PIP5K1C: variants seen among roughly 807,000 people sequenced by gnomAD.
PIP5K1C encodes the protein phosphatidylinositol 4-phosphate 5-kinase type-1 gamma.
In PIP5K1C, 45 loss-of-function variants were observed where a neutral mutation model predicts 80.1. The observed-to-expected ratio is 0.56, with a 90% CI of 0.44 to 0.72. The LOEUF (loss-of-function observed/expected upper bound fraction) is 0.72, where lower values mean the gene tolerates loss of function less well. PIP5K1C is among the 30% of genes least tolerant of loss of function. PIP5K1C has a pLI of 0.00. For missense variants in PIP5K1C, 753 were observed against 954.6 expected (o/e 0.79, Z 2.78); for synonymous variants, 498 against 420.1 (o/e 1.19, Z -2.27).
Position 3,665,642 on chromosome 19 carries a change from C to T in PIP5K1C, c.127-728G>A, listed in dbSNP as rs546928326. On this transcript the variant is annotated intron_variant, in intron 2 of 17. Transcript: ENST00000335312. ...CGCTGGGATGGAAGGATTGAAAAGA[C>T]CACCTTGTCCCTGAGGGAGATGGTC... Among the ~76,000 whole-genome samples, 142 of 152,222 alleles carry T rather than the reference C, an allele frequency of 9.3e-4. 1 individual carries two copies. Among genetic ancestry groups the T allele is most frequent in the African/African-American group, 3.3e-3 (135 of 41,528 alleles).
At chr19:3,659,499 G>A (rs2034756814) in intron 5 of PIP5K1C, among the ~76,000 whole-genome samples, 5 of 152,198 alleles carry the variant, frequency 3.3e-5, no homozygotes, top group East Asian at 1.9e-4. Context: ...TCTCTGCTAC[G>A]AGCCAGGCTG....
chr19:3,682,590 G>A (rs2035621705), intron 1 of PIP5K1C, among the ~76,000 whole-genome samples: 1 of 152,154 alleles, frequency 6.6e-6, no homozygotes, highest in Admixed American at 6.5e-5. Context: ...TCGGGAGGCT[G>A]CGGTGGGAAG....
At chr19:3,694,436 C>G (rs1326187816) in intron 1 of PIP5K1C, among the ~76,000 whole-genome samples, 2 of 152,136 alleles carry the variant, frequency 1.3e-5, no homozygotes, top group African/African-American at 2.4e-5. Flanking sequence ...GTCCTCAGTC[C>G]TCGCCACCCC....
chr19:3,673,394 C>T (rs1211585307), intron 1 of PIP5K1C, among the ~76,000 whole-genome samples: 3 of 152,192 alleles, frequency 2.0e-5, no homozygotes, highest in Non-Finnish European at 4.4e-5. Flanking sequence ...CTGTTGTCAT[C>T]CCCACAACAG....
intron 7 of PIP5K1C, among the ~76,000 whole-genome samples, chr19:3,652,272 C>A (rs1227844948): frequency 1.3e-5 from 2 of 152,242 alleles, no homozygotes; most frequent in Admixed American, 1.3e-4. Context: ...CAGCAGGCTG[C>A]CCCGGGCACT....
intron 5 of PIP5K1C, among the ~76,000 whole-genome samples, 164 bp downstream of exon 5, chr19:3,660,802 G>A (rs564979486): frequency 6.6e-6 from 1 of 152,094 alleles, no homozygotes; most frequent in African/African-American, 2.4e-5. Flanking sequence ...GATCTCTCCT[G>A]CTTTCCCGGT....
chr19:3,646,291 G>C (rs1399283675), intron 10 of PIP5K1C, among the ~76,000 whole-genome samples: 3 of 152,182 alleles, frequency 2.0e-5, no homozygotes, highest in Non-Finnish European at 2.9e-5. Context: ...TTCCACTAGA[G>C]ACCTGTTAGC....
Position 3,637,335 on chromosome 19 carries a change from T to C in PIP5K1C, c.1920+1549A>G. The C allele has an allele frequency of 6.5e-7, 1 of 1,533,430 alleles. No homozygotes were observed. Among genetic ancestry groups the C allele is most frequent in the Non-Finnish European group, 8.7e-7 (1 of 1,145,552 alleles). The allele number at this position is 1,533,430 out of a possible 1,614,324, so 95.0% of individuals were successfully genotyped here. On this transcript the variant is annotated intron_variant, in intron 16 of 17. Coordinates refer to ENST00000335312, the MANE Select transcript of PIP5K1C (RefSeq NM_012398.3). This position sits in a 1 kb window ranked among gnomAD's most constrained non-coding sequence, Gnocchi z 7.0. The stretch of plus-strand genomic sequence containing the variant: ...GCGCCCGGTTCGACGTGGGACCGAA[T>C]GACATTCCCAGTGACGCATGCAGCC...
intron 16 of PIP5K1C, among the ~76,000 whole-genome samples, chr19:3,633,798 A>G (rs1319468301): frequency 1.3e-5 from 2 of 152,054 alleles, no homozygotes; most frequent in African/African-American, 4.8e-5. Context: ...AGCAGGTGAC[A>G]GAGCCGGCGG....
At chr19:3,676,413 G>C (rs950998462) in intron 1 of PIP5K1C, among the ~76,000 whole-genome samples, 14 of 152,244 alleles carry the variant, frequency 9.2e-5, no homozygotes, top group Non-Finnish European at 2.1e-4. Context: ...TGCGGTGTTT[G>C]GGTTCGGTCA....
rs367846781 is a variant in PIP5K1C, at chr19:3,642,935, G to A, written c.1654C>T (p.Arg552Cys). Reference sequence around the variant, plus strand: ...CCATCCTGTCCAGACGACTGTGTGCGCCGCCTGCAGAGATACAGCAAACAC... The same window carrying A: ...CCATCCTGTCCAGACGACTGTGTGCACCGCCTGCAGAGATACAGCAAACAC... ...ETSEQPRYRR[R>C]TQSSGQDGRP... Residue 552 changes from arginine to cysteine, a missense_variant, in exon 14 of 18, where the codon CGC becomes TGC. By Grantham distance (180) the Arg-to-Cys change is radical (BLOSUM62 -3). This residue lies in a region of PIP5K1C where 315 missense variants were observed against 294.5 expected (regional missense o/e 1.07). Coordinates refer to ENST00000335312, the MANE Select transcript of PIP5K1C (RefSeq NM_012398.3). The A allele has an allele frequency of 6.8e-6, 11 of 1,613,454 alleles. No individual in the cohort carries two copies. Among genetic ancestry groups the A allele is most frequent in the African/African-American group, 6.7e-5 (5 of 74,970 alleles).
Position 3,637,738 on chromosome 19 carries a change from G to T in PIP5K1C, c.1920+1146C>A. 1 of 1,524,806 alleles carries T rather than the reference G, an allele frequency of 6.6e-7. No homozygotes were observed. The highest frequency in any genetic ancestry group is 1.2e-5 in the South Asian group (1 of 82,680). The allele number at this position is 1,524,806 out of a possible 1,614,324, so 94.5% of individuals were successfully genotyped here. A position where few individuals can be genotyped will look rare whatever the true frequency, so the allele number is the denominator to read the frequency against. ...TGGCGGGGAGCAGGTGGGGACAGCT[G>T]ACTGCCAAGCAGAAGGTGGGGGGTG... On this transcript the variant is annotated intron_variant, in intron 16 of 17. Transcript: ENST00000335312. The surrounding 1 kb of genome is among the most constrained non-coding windows in gnomAD (Gnocchi z 7.0).
At chr19:3,682,242 T>C (rs1409038663) in intron 1 of PIP5K1C, among the ~76,000 whole-genome samples, 1 of 151,208 alleles carries the variant, frequency 6.6e-6, no homozygotes, top group Non-Finnish European at 1.5e-5. Context: ...GGCATGGGGG[T>C]GCGCGCCTGT....
chr19:3,695,164 G>A (rs1231101460), intron 1 of PIP5K1C, among the ~76,000 whole-genome samples: 2 of 152,214 alleles, frequency 1.3e-5, no homozygotes, highest in Admixed American at 1.3e-4. Flanking sequence ...AGGCAGTCCC[G>A]TTAGCACCAG....
rs771962324 is a variant in PIP5K1C at position 3,688,672 on chromosome 19, T to TGAGCCC, written c.94+11619_94+11624dup. Among the ~76,000 whole-genome samples, 83 of 152,078 alleles carry TGAGCCC rather than the reference T, an allele frequency of 5.5e-4. No homozygotes were observed. The highest frequency in any genetic ancestry group is 1.1e-3 in the Non-Finnish European group (75 of 67,992). On this transcript the variant is annotated intron_variant, in intron 1 of 17. Transcript: ENST00000335312. The surrounding 1 kb of genome is among the most constrained non-coding windows in gnomAD (Gnocchi z 5.3). ...TGTCCCTCAGGGCTAGAGACCCGGATGAGCCCCATGGAGAAACCCGTAGTG... is the reference window on the plus strand; with the variant it reads ...TGTCCCTCAGGGCTAGAGACCCGGATGAGCCCGAGCCCCATGGAGAAACCCGTAGTG...
Position 3,667,319 on chromosome 19 carries a change from C to T in PIP5K1C, c.126+3G>A, listed in dbSNP as rs776847913. 6.2e-7 allele frequency: 1 copy of T among 1,612,846 alleles called. No homozygotes were observed. Among genetic ancestry groups the T allele is most frequent in the Admixed American group, 1.7e-5 (1 of 59,988 alleles). On this transcript the variant is annotated splice_donor_region_variant and intron_variant, in intron 2 of 17. Transcript: ENST00000335312. The stretch of plus-strand genomic sequence containing the variant: ...AGGCCCTTCGTCCGCTCCAGACACT[C>T]ACCTCTGTTGGGGCCGCCTTCTTCT...
intron 1 of PIP5K1C, among the ~76,000 whole-genome samples, chr19:3,700,036 C>G (rs941153425): frequency 2.0e-5 from 3 of 152,164 alleles, no homozygotes; most frequent in Admixed American, 2.0e-4. Context: ...TCAGGCAGAA[C>G]GGGGATCCCC....
chr19:3,641,644 C>T (rs1200165495), intron 15 of PIP5K1C, 61 bp downstream of exon 15: 2 of 1,275,416 alleles, frequency 1.6e-6, no homozygotes, highest in East Asian at 4.6e-5. Flanking sequence ...TCGGGGTGCT[C>T]TTGGCTCCTC....
intron 1 of PIP5K1C, among the ~76,000 whole-genome samples, chr19:3,694,979 G>A (rs1395761830): frequency 1.3e-5 from 2 of 152,376 alleles, no homozygotes; most frequent in African/African-American, 4.8e-5. Context: ...TCCCAGCTCT[G>A]CCGCTGCAGC....
Sources: allele counts gnomAD v4.1 joint callset (sites outside exome capture counted in the v4.1 genomes callset), GRCh38; gene constraint gnomAD v4.1.1; regional missense constraint gnomAD v4.1.1; non-coding constraint Gnocchi (gnomAD v3.1); transcripts MANE v1.5; gene names NCBI Gene and HGNC (gene_info 2026-07-23, HGNC 2026-07-21).